Variants in DGKD observed in about 807,000 individuals in gnomAD.
The protein encoded by DGKD is DAG kinase delta.
Under a neutral mutation model 154.4 loss-of-function variants are expected in DGKD, and 68 were observed. That is an observed-to-expected ratio of 0.44 (90% CI 0.36 to 0.54). The LOEUF is 0.54. Ranked by LOEUF, DGKD falls within the 20% of genes least tolerant of loss-of-function variation. The pLI is 0.00. For synonymous variants in DGKD, 693 were observed against 638.0 expected (o/e 1.09, Z -1.30); for missense variants, 1,343 against 1,593.6 (o/e 0.84, Z 2.68).
At chr2:233,434,327 T>A in intron 3 of DGKD, 53 bp from the exon 4 acceptor site, 1 of 1,407,516 alleles carries the variant, frequency 7.1e-7, no homozygotes, top group Admixed American at 1.8e-5. Flanking sequence ...CGTTCATAGC[T>A]ATCAGCACTT....
At position 233,458,656 on chromosome 2, in the gene DGKD, G is replaced by A. The variant is rs1202025722; in HGVS notation, c.2694+259G>A. On this transcript the variant is annotated intron_variant, in intron 22 of 29. Transcript: ENST00000264057. This position sits in a 1 kb window ranked among gnomAD's most constrained non-coding sequence, Gnocchi z 6.6. ...AGACAGAGTCTTGCTCTGTTGCCCAGGCTGGAGTGCAGTGGTGCAATCTCG... is the reference window on the plus strand; with the variant it reads ...AGACAGAGTCTTGCTCTGTTGCCCAAGCTGGAGTGCAGTGGTGCAATCTCG... 6.7e-6 allele frequency among the ~76,000 whole-genome samples: 1 copy of A among 149,728 alleles called. No homozygotes were observed. The highest frequency in any genetic ancestry group is 2.5e-5 in the African/African-American group (1 of 40,632).
At position 233,424,112 on chromosome 2, in the gene DGKD, G is replaced by A. The variant is rs1001271930; in HGVS notation, c.349-10268G>A. Among the ~76,000 whole-genome samples the A allele has an allele frequency of 4.6e-5, 7 of 152,134 alleles. No homozygotes were observed. The East Asian group carries it at 5.8e-4, about 13-fold the overall frequency. ...GTTGTGCCTCTACCCATCCCTGCTC[G>A]CTCGTCATGACCGTTGGACCGTTGT... On this transcript the variant is annotated intron_variant, in intron 3 of 29. Coordinates refer to ENST00000264057, the MANE Select transcript of DGKD (RefSeq NM_152879.3).
intron 1 of DGKD, among the ~76,000 whole-genome samples, chr2:233,387,035 T>C (rs191004546): frequency 5.3e-5 from 8 of 152,300 alleles, no homozygotes; most frequent in Admixed American, 3.3e-4. Context: ...TCTGCAGCCT[T>C]CCCTGTTCCA....
chr2:233,354,672 A>T lies in DGKD; in HGVS notation c.154A>T (p.Lys52Ter). ...GTCCACGTCGGGTCAGATCCGACAGAAGGTGAGCCCGCGGCGCGGCGGCCC... is the reference window on the plus strand; with the variant it reads ...GTCCACGTCGGGTCAGATCCGACAGTAGGTGAGCCCGCGGCGCGGCGGCCC... ...KVSTSGQIRQ[K>*]TIIKEGMLTK... is the part of the protein sequence containing the mutation. Residue 52 changes from lysine (K) to a stop codon, truncating the protein, a stop_gained and splice_region_variant, in exon 1 of 30, where the codon AAG becomes TAG. Coordinates refer to ENST00000264057, the MANE Select transcript of DGKD (RefSeq NM_152879.3). LOFTEE classifies it high-confidence loss of function. This position sits in a 1 kb window ranked among gnomAD's most constrained non-coding sequence, Gnocchi z 4.8. 9.8e-7 allele frequency: 1 copy of T among 1,017,106 alleles called. No individual in the cohort carries two copies. Among genetic ancestry groups the T allele is most frequent in the East Asian group, 1.1e-4 (1 of 9,396 alleles). The allele number at this position is 1,017,106 out of a possible 1,614,324, so 63.0% of individuals were successfully genotyped here.
chr2:233,446,269 G>T (rs1016697230), intron 11 of DGKD, among the ~76,000 whole-genome samples: 1 of 152,260 alleles, frequency 6.6e-6, no homozygotes, highest in African/African-American at 2.4e-5. Context: ...GGGTGCTGAT[G>T]AGATGCCTCC....
rs549573326 is a variant in DGKD, at chr2:233,445,526, C to T, written c.1195-97C>T. The T allele has an allele frequency of 8.1e-5, 120 of 1,482,812 alleles. No individual in the cohort carries two copies. Among genetic ancestry groups the T allele is most frequent in the Non-Finnish European group, 9.7e-5 (108 of 1,111,026 alleles). The allele number at this position is 1,482,812 out of a possible 1,614,324, so 91.9% of individuals were successfully genotyped here. A position where few individuals can be genotyped will look rare whatever the true frequency, so the allele number is the denominator to read the frequency against. On this transcript the variant is annotated intron_variant, in intron 10 of 29. Coordinates refer to ENST00000264057, the MANE Select transcript of DGKD (RefSeq NM_152879.3). The surrounding 1 kb of genome is among the most constrained non-coding windows in gnomAD (Gnocchi z 5.5). Reference sequence around the variant, plus strand: ...TTAGGTCACGTCCCCACATTGCTAACGTAACCCTCACGGTGGGGGACAAGG... The same window carrying T: ...TTAGGTCACGTCCCCACATTGCTAATGTAACCCTCACGGTGGGGGACAAGG...
chr2:233,419,470 T>TG (rs2062047153), intron 3 of DGKD: 2 of 983,602 alleles, frequency 2.0e-6, no homozygotes, highest in East Asian at 1.1e-4. Context: ...GGCTGTTGGG[T>TG]GGTGAGTTCA....
chr2:233,434,392 T>C lies in DGKD; in HGVS notation c.361T>C (p.Cys121Arg). The change falls in exon 4 of 30, where the codon TGC becomes CGC. Residue 121 changes from cysteine (C) to arginine (R), a missense_variant. Physicochemically the swap from Cys to Arg is radical, Grantham distance 180. Transcript: ENST00000264057. Reference sequence around the variant, plus strand: ...TTTCTTTCTCTAGGTCATAACTCCATGCAGGAAGCTCATCTTGTGTGCTGA... The same window carrying C: ...TTTCTTTCTCTAGGTCATAACTCCACGCAGGAAGCTCATCTTGTGTGCTGA... ...VNNSFTVITP[C>R]RKLILCADNR... is the part of the protein sequence containing the mutation. 1.2e-6 allele frequency: 2 copies of C among 1,614,130 alleles called. No homozygotes were observed.
chr2:233,434,325 G>T, intron 3 of DGKD, 55 bp from the exon 4 acceptor site: 1 of 1,393,998 alleles, frequency 7.2e-7, no homozygotes, highest in Non-Finnish European at 1.0e-6. Context: ...AGCGTTCATA[G>T]CTATCAGCAC....
chr2:233,429,055 C>T, intron 3 of DGKD: 1 of 899,956 alleles, frequency 1.1e-6, no homozygotes, highest in Non-Finnish European at 1.3e-6. Context: ...CTATAATTTG[C>T]TGTCTAGTAG....
chr2:233,454,361 A>G (rs940028743), intron 18 of DGKD: 3 of 468,250 alleles, frequency 6.4e-6, no homozygotes, highest in Non-Finnish European at 1.3e-5. Flanking sequence ...AGGAAGAGAA[A>G]GGAGCCAGAC....
At chr2:233,460,930 C>G (rs1433965916) in intron 24 of DGKD, among the ~76,000 whole-genome samples, 7 of 151,910 alleles carry the variant, frequency 4.6e-5, no homozygotes, top group Non-Finnish European at 1.0e-4. Context: ...CCTGCCCTGG[C>G]TCCCGAGGGC....
At chr2:233,359,886 G>GC (rs1701701794) in intron 1 of DGKD, among the ~76,000 whole-genome samples, 1 of 152,114 alleles carries the variant, frequency 6.6e-6, no homozygotes, top group South Asian at 2.1e-4. Context: ...ATGAGGAGAG[G>GC]GCCAGAATAC....
chr2:233,392,814 A>G (rs1459733543), intron 3 of DGKD, among the ~76,000 whole-genome samples: 1 of 152,182 alleles, frequency 6.6e-6, no homozygotes, highest in Non-Finnish European at 1.5e-5. Flanking sequence ...TTACTTTCCC[A>G]CAAATTTCAC....
In DGKD at chr2:233,441,867, C is replaced by T; in HGVS notation, c.1086-20C>T. ...CTGTGGAATGGATGTCATTTCACGG[C>T]CTTTCTCTTTTCTCTGCAGCTTACG... On this transcript the variant is annotated intron_variant, in intron 9 of 29. Coordinates refer to ENST00000264057, the MANE Select transcript of DGKD (RefSeq NM_152879.3). This position sits in a 1 kb window ranked among gnomAD's most constrained non-coding sequence, Gnocchi z 5.6. 6.2e-7 allele frequency: 1 copy of T among 1,607,158 alleles called. No individual in the cohort carries two copies. The highest frequency in any genetic ancestry group is 1.1e-5 in the South Asian group (1 of 90,618).
chr2:233,361,838 C>T (rs1027164818), intron 1 of DGKD, among the ~76,000 whole-genome samples: 2 of 152,142 alleles, frequency 1.3e-5, no homozygotes, highest in Non-Finnish European at 2.9e-5. Flanking sequence ...TCTTGTCACC[C>T]AGGCTGTAGT....
chr2:233,361,486 G>A (rs994561418), intron 1 of DGKD, among the ~76,000 whole-genome samples: 2 of 152,180 alleles, frequency 1.3e-5, no homozygotes, highest in African/African-American at 4.8e-5. Context: ...GGGAGGCGAG[G>A]CACTTGAGCT....
rs1236600371 is a variant in DGKD at position 233,440,778 on chromosome 2, C to T, written c.1086-1109C>T. 6.6e-6 allele frequency among the ~76,000 whole-genome samples: 1 copy of T among 152,152 alleles called. No homozygotes were observed. Among genetic ancestry groups the T allele is most frequent in the African/African-American group, 2.4e-5 (1 of 41,434 alleles). ...ATAAAGCAAGGCCCGTGGCCAGGCTCGTGTTTTAGAAAGGTCTTCCTGGAA... is the reference window on the plus strand; with the variant it reads ...ATAAAGCAAGGCCCGTGGCCAGGCTTGTGTTTTAGAAAGGTCTTCCTGGAA... On this transcript the variant is annotated intron_variant, in intron 9 of 29. Transcript: ENST00000264057. The surrounding 1 kb of genome is among the most constrained non-coding windows in gnomAD (Gnocchi z 4.9).
chr2:233,468,650 C>CT, intron 29 of DGKD, 97 bp downstream of exon 29: 5 of 1,554,250 alleles, frequency 3.2e-6, no homozygotes, highest in Admixed American at 1.7e-5. Context: ...GTCCCAGCAT[C>CT]ACGATTCTTC....
Sources: gnomAD v4.1 joint callset for allele counts (sites outside exome capture counted in the v4.1 genomes callset) on GRCh38, gnomAD v4.1.1 for gene constraint, Gnocchi (gnomAD v3.1) non-coding constraint, MANE v1.5 for transcripts, NCBI Gene and HGNC (gene_info 2026-07-23, HGNC 2026-07-21) for gene names.